The following PHAX variants were observed in gnomAD, a reference collection of about 807,000 sequenced individuals.
PHAX encodes phosphorylated adapter RNA export protein.
PHAX carries 31 observed loss-of-function variants against 41.6 expected under a neutral mutation model. That is an observed-to-expected ratio of 0.75 (90% confidence interval 0.56 to 1.01). PHAX has a LOEUF of 1.01. Ranked by LOEUF, PHAX falls within the 50% of genes least tolerant of loss-of-function variation. The pLI is 0.00. For synonymous variants in PHAX, 175 were observed against 164.9 expected (o/e 1.06, Z -0.47); for missense variants, 453 against 472.9 (o/e 0.96, Z 0.39).
At chr5:126,622,379 G>A (rs560746072) in intron 4 of PHAX, among the ~76,000 whole-genome samples, 3 of 148,766 alleles carry the variant, frequency 2.0e-5, no homozygotes, top group East Asian at 4.0e-4. Flanking sequence ...TGATCCGCCC[G>A]CCTCAGCCTC....
At position 126,603,074 on chromosome 5, in the gene PHAX, C is replaced by CAAA. The variant is rs200469175; in HGVS notation, c.97-482_97-480dup. 2.1e-3 allele frequency among the ~76,000 whole-genome samples: 253 copies of CAAA among 121,130 alleles called. 1 individual carries two copies. Among genetic ancestry groups the CAAA allele is most frequent in the African/African-American group, 5.9e-3 (202 of 34,444 alleles). 79.5% of individuals were successfully genotyped at this position (121,130 alleles called of 152,430 possible). On this transcript the variant is annotated intron_variant, in intron 1 of 4. Coordinates refer to ENST00000297540, the MANE Select transcript of PHAX (RefSeq NM_032177.4). The stretch of plus-strand genomic sequence containing the variant: ...AAGACCCCGTCTCTACCAAAAAATG[C>CAAA]AAAAAAAAAAAAAAAATAGCTGGGT...
chr5:126,607,846 T>C lies in PHAX; in HGVS notation c.711-518T>C, dbSNP rs532878867. ...AGAGAATCAGCTGGCATAGTGCATGTAAGGTTCTTAGGATTGTGCTTATTA... is the reference window on the plus strand; with the variant it reads ...AGAGAATCAGCTGGCATAGTGCATGCAAGGTTCTTAGGATTGTGCTTATTA... On this transcript the variant is annotated intron_variant, in intron 2 of 4. Transcript: ENST00000297540. Among the ~76,000 whole-genome samples, 52 of 152,312 alleles carry C rather than the reference T, an allele frequency of 3.4e-4. 1 individual carries two copies. In the South Asian group the frequency reaches 0.011, roughly 31 times the overall value.
In PHAX at chr5:126,604,076, A is replaced by C; in HGVS notation, c.603A>C (p.Arg201=). The C allele has an allele frequency of 6.2e-7, 1 of 1,613,858 alleles. No individual in the cohort carries two copies. ...GGCAAGGTCATCTCAAAAGGAAACGACCTGTCAAAGACAGGCTAGGGAACA... is the reference window on the plus strand; with the variant it reads ...GGCAAGGTCATCTCAAAAGGAAACGCCCTGTCAAAGACAGGCTAGGGAACA... ...ENGQGHLKRK[R]PVKDRLGNRP... Residue 201 remains arginine, a synonymous_variant, in exon 2 of 5, where the codon CGA becomes CGC. Transcript: ENST00000297540.
intron 1 of PHAX, among the ~76,000 whole-genome samples, chr5:126,601,418 T>C (rs939105375): frequency 5.3e-5 from 8 of 152,152 alleles, no homozygotes; most frequent in Admixed American, 3.9e-4. Flanking sequence ...GCTCTTTCTT[T>C]TCTAAACTTG....
chr5:126,614,351 G>A (rs10051326), intron 3 of PHAX, among the ~76,000 whole-genome samples: 41,058 of 151,922 alleles, frequency 0.27, 7,079 homozygotes, highest in African/African-American at 0.47. Context: ...CACCCGTCTC[G>A]GCCTCCCAAA....
chr5:126,601,827 C>T (rs776769015), intron 1 of PHAX, among the ~76,000 whole-genome samples: 3 of 152,110 alleles, frequency 2.0e-5, no homozygotes, highest in African/African-American at 7.2e-5. Flanking sequence ...CTGCCACGCC[C>T]GGTTAATTTT....
intron 1 of PHAX, among the ~76,000 whole-genome samples, chr5:126,602,407 T>C (rs1751917618): frequency 6.6e-6 from 1 of 152,218 alleles, no homozygotes; most frequent in Admixed American, 6.5e-5. Flanking sequence ...TTTGTCTACC[T>C]CTGTGGAATT....
chr5:126,606,785 G>A (rs188617118), intron 2 of PHAX, among the ~76,000 whole-genome samples: 25 of 152,008 alleles, frequency 1.6e-4, no homozygotes, highest in Non-Finnish European at 2.4e-4. Context: ...CCTAGTAGCC[G>A]GGATTAGAGG....
intron 3 of PHAX, among the ~76,000 whole-genome samples, chr5:126,614,139 C>T (rs1297005754): frequency 6.6e-6 from 1 of 152,082 alleles, no homozygotes; most frequent in Non-Finnish European, 1.5e-5. Flanking sequence ...TGCTCTGTCA[C>T]CCAGGGTGGA....
intron 2 of PHAX, among the ~76,000 whole-genome samples, chr5:126,607,632 A>G (rs534710775): frequency 1.1e-3 from 161 of 152,014 alleles, no homozygotes; most frequent in African/African-American, 3.6e-3. Context: ...CGAACTCCCA[A>G]CCTCAGGTGA....
In PHAX at chr5:126,600,978, G is replaced by A. The variant is rs756683540; in HGVS notation, c.16G>A (p.Gly6Ser). 22 of 1,604,392 alleles carry A rather than the reference G, an allele frequency of 1.4e-5. No homozygotes were observed. Among genetic ancestry groups the A allele is most frequent in the East Asian group, 2.3e-5 (1 of 43,440 alleles). Residue 6 changes from glycine to serine, a missense_variant, in exon 1 of 5, where the codon GGC (glycine) becomes AGC (serine). Coordinates refer to ENST00000297540, the MANE Select transcript of PHAX (RefSeq NM_032177.4). The part of the protein sequence containing the change: MALEV[G>S]DMEDGQLSDS... Reference sequence around the variant, plus strand: ...CCGCGGGAAGATGGCGTTGGAGGTCGGCGATATGGAAGATGGGCAGCTTTC... The same window carrying A: ...CCGCGGGAAGATGGCGTTGGAGGTCAGCGATATGGAAGATGGGCAGCTTTC...
intron 3 of PHAX, among the ~76,000 whole-genome samples, chr5:126,611,032 T>G (rs1335773089): frequency 1.3e-5 from 2 of 149,302 alleles, no homozygotes; most frequent in East Asian, 2.0e-4. Flanking sequence ...TTTTTTTTTT[T>G]GTTTTTTTTC....
At chr5:126,609,566 C>T in intron 3 of PHAX, among the ~76,000 whole-genome samples, 1 of 152,086 alleles carries the variant, frequency 6.6e-6, no homozygotes, top group Non-Finnish European at 1.5e-5. Flanking sequence ...GTCTCCTCAG[C>T]TGTAAAATGG....
chr5:126,601,962 C>T (rs1188058136), intron 1 of PHAX, among the ~76,000 whole-genome samples: 1 of 152,166 alleles, frequency 6.6e-6, no homozygotes, highest in Non-Finnish European at 1.5e-5. Context: ...CCACGGCGCC[C>T]GGCCACATCC....
intron 4 of PHAX, among the ~76,000 whole-genome samples, chr5:126,619,061 G>A (rs1752231769): frequency 1.3e-5 from 2 of 152,018 alleles, no homozygotes; most frequent in African/African-American, 4.8e-5. Flanking sequence ...CAAGTAGCTG[G>A]GACAACAGAC....
intron 3 of PHAX, among the ~76,000 whole-genome samples, chr5:126,614,906 A>G (rs928990061): frequency 5.3e-5 from 8 of 151,858 alleles, no homozygotes; most frequent in African/African-American, 1.9e-4. Context: ...ACAGGCACAC[A>G]CCACCACGCC....
chr5:126,614,576 GGA>G (rs1334803410), intron 3 of PHAX, among the ~76,000 whole-genome samples: 2 of 152,054 alleles, frequency 1.3e-5, no homozygotes, highest in African/African-American at 4.8e-5. Context: ...AAACAGTTTT[GGA>G]GATCTGTTTT....
intron 3 of PHAX, among the ~76,000 whole-genome samples, chr5:126,613,867 C>T (rs918879976): frequency 6.6e-6 from 1 of 151,750 alleles, no homozygotes; most frequent in African/African-American, 2.4e-5. Context: ...CCTCGACCTC[C>T]CTGGCTCAAG....
chr5:126,602,874 G>A (rs1234230026), intron 1 of PHAX, among the ~76,000 whole-genome samples: 3 of 151,906 alleles, frequency 2.0e-5, no homozygotes, highest in Non-Finnish European at 4.4e-5. Flanking sequence ...GCGTGGTGGC[G>A]GGCGCCTGTA....
Sources: allele counts gnomAD v4.1 joint callset (sites outside exome capture counted in the v4.1 genomes callset), GRCh38; gene constraint gnomAD v4.1.1; transcripts MANE v1.5; gene names NCBI Gene and HGNC (gene_info 2026-07-23, HGNC 2026-07-21).